RXRA: variants seen among roughly 807,000 people sequenced by gnomAD.
The protein encoded by RXRA is retinoic acid receptor RXR-alpha.
A neutral mutation model predicts 44.5 loss-of-function variants in RXRA; 5 were observed. The ratio of observed to expected loss-of-function variants is 0.11; its 90% CI spans 0.06 to 0.24. The LOEUF is 0.24. Among genes scored for constraint, RXRA ranks in the 10% least tolerant of loss-of-function variants. RXRA has a pLI of 1.00. For missense variants in RXRA, 412 were observed against 646.5 expected (o/e 0.64, Z 3.93); for synonymous variants, 291 against 271.4 (o/e 1.07, Z -0.71).
chr9:134,416,694 G>A (rs1396674494), intron 4 of RXRA, among the ~76,000 whole-genome samples: 2 of 150,506 alleles, frequency 1.3e-5, no homozygotes, highest in South Asian at 2.1e-4. Flanking sequence ...CAGCCAGCAC[G>A]GGTGCCCCTG....
intron 2 of RXRA, chr9:134,404,935 A>G (rs1831025532): frequency 6.6e-6 from 1 of 152,294 alleles, no homozygotes; most frequent in Non-Finnish European, 1.5e-5. Flanking sequence ...GCGGGAACTG[A>G]AATAAGTGCC....
rs2119028471 is a variant in RXRA at position 134,342,049 on chromosome 9, G to A, written c.28+15390G>A. ...TCCGGCTAGCTGGAGCCTGCCTGTGGTGGGTGTTGCTGGCTGGGGGACATG... is the reference window on the plus strand; with the variant it reads ...TCCGGCTAGCTGGAGCCTGCCTGTGATGGGTGTTGCTGGCTGGGGGACATG... On this transcript the variant is annotated intron_variant, in intron 1 of 9. Transcript: ENST00000481739. This position sits in a 1 kb window ranked among gnomAD's most constrained non-coding sequence, Gnocchi z 4.4. Among the ~76,000 whole-genome samples, 1 of 152,324 alleles carries A rather than the reference G, an allele frequency of 6.6e-6. No homozygotes were observed. Among genetic ancestry groups the A allele is most frequent in the African/African-American group, 2.4e-5 (1 of 41,566 alleles).
chr9:134,378,767 TG>T (rs922561559), intron 1 of RXRA, among the ~76,000 whole-genome samples: 1 of 152,140 alleles, frequency 6.6e-6, no homozygotes, highest in African/African-American at 2.4e-5. Flanking sequence ...CGAGGGAGGC[TG>T]CCCCCGCAGA....
At chr9:134,369,828 C>G (rs1830468814) in intron 1 of RXRA, among the ~76,000 whole-genome samples, 1 of 152,134 alleles carries the variant, frequency 6.6e-6, no homozygotes, top group African/African-American at 2.4e-5. Context: ...GTCCCCTCCT[C>G]CTAGTTCAAG....
chr9:134,328,680 C>T (rs1436443693), intron 1 of RXRA, among the ~76,000 whole-genome samples: 1 of 152,248 alleles, frequency 6.6e-6, no homozygotes, highest in African/African-American at 2.4e-5. Flanking sequence ...TTTGTCAACA[C>T]AGCCTAATCC....
chr9:134,375,302 C>G (rs1301049082), intron 1 of RXRA, among the ~76,000 whole-genome samples: 1 of 152,106 alleles, frequency 6.6e-6, no homozygotes, highest in Non-Finnish European at 1.5e-5. Flanking sequence ...GTGGGAGCTG[C>G]CTGCTGTCTT....
In RXRA at chr9:134,431,955, C is replaced by A. The variant is rs746817210; in HGVS notation, c.1094C>A (p.Thr365Lys). 13 of 1,613,860 alleles carry A rather than the reference C, an allele frequency of 8.1e-6. No homozygotes were observed. Among genetic ancestry groups the A allele is most frequent in the Non-Finnish European group, 3.4e-6 (4 of 1,179,926 alleles). Residue 365 changes from threonine (T) to lysine (K), a missense_variant, in exon 8 of 10, where the codon ACG becomes AAG. Transcript: ENST00000481739. ...SKMRDMQMDK[T>K]ELGCLRAIVL... ...ATGCGGGACATGCAGATGGACAAGACGGAGCTGGGCTGCCTGCGCGCCATC... is the reference window on the plus strand; with the variant it reads ...ATGCGGGACATGCAGATGGACAAGAAGGAGCTGGGCTGCCTGCGCGCCATC...
chr9:134,360,071 C>A (rs749486762), intron 1 of RXRA, among the ~76,000 whole-genome samples: 2 of 152,196 alleles, frequency 1.3e-5, no homozygotes, highest in African/African-American at 4.8e-5. Context: ...GTGGGCCCAC[C>A]CGGCACAGAT....
chr9:134,345,525 A>G (rs1830139364), intron 1 of RXRA, among the ~76,000 whole-genome samples: 1 of 152,238 alleles, frequency 6.6e-6, no homozygotes, highest in South Asian at 2.1e-4. Flanking sequence ...GGCCACAGGC[A>G]GGACGGGGGC....
rs1053747138 is a variant in RXRA at position 134,342,719 on chromosome 9, T to C, written c.28+16060T>C. Among the ~76,000 whole-genome samples the C allele has an allele frequency of 6.6e-6, 1 of 152,088 alleles. No homozygotes were observed. Among genetic ancestry groups the C allele is most frequent in the South Asian group, 2.1e-4 (1 of 4,824 alleles). On this transcript the variant is annotated intron_variant, in intron 1 of 9. Coordinates refer to ENST00000481739, the MANE Select transcript of RXRA (RefSeq NM_002957.6). The surrounding 1 kb of genome is among the most constrained non-coding windows in gnomAD (Gnocchi z 4.4). Reference sequence around the variant, plus strand: ...CTGAGATGGCTGGTGTGGGCCGCCCTGACCTGGTGGGTTTGGGGGAACCTG... The same window carrying C: ...CTGAGATGGCTGGTGTGGGCCGCCCCGACCTGGTGGGTTTGGGGGAACCTG...
Position 134,437,012 on chromosome 9 carries a change from C to T in RXRA, c.*398C>T, listed in dbSNP as rs964635838. On this transcript the variant is annotated 3_prime_UTR_variant, in exon 10 of 10. Coordinates refer to ENST00000481739, the MANE Select transcript of RXRA (RefSeq NM_002957.6). ...GTTGCTGTTTATCGATGCTGGTTTT[C>T]AGAATTCCTGTGTGGCCCTCCTGTC... 20 of 210,958 alleles carry T rather than the reference C, an allele frequency of 9.5e-5. No homozygotes were observed. The highest frequency in any genetic ancestry group is 4.1e-4 in the African/African-American group (18 of 43,388). The allele number at this position is 210,958 out of a possible 1,614,324, so 13.1% of individuals were successfully genotyped here. A position where few individuals can be genotyped will look rare whatever the true frequency, so the allele number is the denominator to read the frequency against.
intron 1 of RXRA, among the ~76,000 whole-genome samples, chr9:134,381,048 C>G (rs1322076536): frequency 6.6e-6 from 1 of 152,178 alleles, no homozygotes; most frequent in East Asian, 1.9e-4. Context: ...GGCCTCAGGC[C>G]AGCTCTGTGA....
rs1588267201 is a variant in RXRA, at chr9:134,366,646, A to G, written c.29-34986A>G. 6.6e-6 allele frequency among the ~76,000 whole-genome samples: 1 copy of G among 152,144 alleles called. No homozygotes were observed. The highest frequency in any genetic ancestry group is 1.9e-4 in the East Asian group (1 of 5,146). ...AGTGGGCTTTGGCCTCCTCGTGAGG[A>G]GCTGGGTGGGGCTGGAGAAATCAGC... On this transcript the variant is annotated intron_variant, in intron 1 of 9. Transcript: ENST00000481739. The surrounding 1 kb of genome is among the most constrained non-coding windows in gnomAD (Gnocchi z 5.9).
intron 1 of RXRA, among the ~76,000 whole-genome samples, chr9:134,370,858 C>T (rs542649320): frequency 1.1e-4 from 17 of 152,338 alleles, no homozygotes; most frequent in African/African-American, 4.1e-4. Context: ...GAGAACGCTG[C>T]CAAGAGAAGG....
intron 9 of RXRA, 24 bp from the exon 10 acceptor site, chr9:134,436,443 C>T: frequency 2.5e-6 from 4 of 1,612,418 alleles, no homozygotes; most frequent in Non-Finnish European, 3.4e-6. Context: ...CTTGCCCGGC[C>T]CTCACCAGAC....
intron 4 of RXRA, among the ~76,000 whole-genome samples, chr9:134,416,330 C>T (rs1161903660): frequency 6.6e-6 from 1 of 152,162 alleles, no homozygotes; most frequent in African/African-American, 2.4e-5. Context: ...GCGCCCACCC[C>T]CAGGGCTGAT....
Position 134,326,642 on chromosome 9 carries a change from A to G in RXRA, c.11A>G (p.Lys4Arg), listed in dbSNP as rs1834914956. 3.1e-6 allele frequency: 3 copies of G among 962,522 alleles called. No individual in the cohort carries two copies. The highest frequency in any genetic ancestry group is 3.7e-6 in the Non-Finnish European group (3 of 816,798). 59.6% of individuals were successfully genotyped at this position (962,522 alleles called of 1,614,324 possible). The change falls in exon 1 of 10, where the codon AAA (lysine) becomes AGA (arginine). Residue 4 changes from lysine (K) to arginine (R), a missense_variant. Lys to Arg is a conservative substitution (Grantham distance 26, BLOSUM62 2). Transcript: ENST00000481739. Reference sequence around the variant, plus strand: ...GAGTTAGTCGCAGACATGGACACCAAACATTTCCTGCCGCTCGGTGAGTGC... The same window carrying G: ...GAGTTAGTCGCAGACATGGACACCAGACATTTCCTGCCGCTCGGTGAGTGC... MDT[K>R]HFLPLDFSTQ...
At chr9:134,423,713 T>C in intron 6 of RXRA, 3 of 985,492 alleles carry the variant, frequency 3.0e-6, no homozygotes, top group Non-Finnish European at 3.6e-6. Flanking sequence ...TTTCAGGGTA[T>C]GGTGAGTATT....
At chr9:134,329,233 T>A (rs1554746371) in intron 1 of RXRA, among the ~76,000 whole-genome samples, 2 of 152,288 alleles carry the variant, frequency 1.3e-5, no homozygotes, top group East Asian at 3.9e-4. Context: ...TCTGGTAACA[T>A]CAGAGCCCTT....
Sources: allele counts gnomAD v4.1 joint callset (sites outside exome capture counted in the v4.1 genomes callset), GRCh38; gene constraint gnomAD v4.1.1; non-coding constraint Gnocchi (gnomAD v3.1); transcripts MANE v1.5; gene names NCBI Gene and HGNC (gene_info 2026-07-23, HGNC 2026-07-21).